Variants in IST1 observed in about 807,000 individuals in gnomAD.
The protein encoded by IST1 is IST1 homolog.
In IST1, 23 loss-of-function variants were observed where a neutral mutation model predicts 37.0. The observed-to-expected ratio is 0.62, with a 90% CI of 0.45 to 0.88. IST1 has a LOEUF of 0.88. IST1 is among the 40% of genes least tolerant of loss of function. The pLI is 0.00. For missense variants in IST1, 488 were observed against 445.4 expected, an observed-to-expected ratio of 1.10 and a Z score of -0.86; for synonymous variants, 180 against 161.7, an observed-to-expected ratio of 1.11 and a Z score of -0.86.
intron 1 of IST1, among the ~76,000 whole-genome samples, chr16:71,912,500 G>A (rs1323043916): frequency 1.3e-5 from 2 of 152,198 alleles, no homozygotes; most frequent in Non-Finnish European, 2.9e-5. Context: ...GCCTCCCAAA[G>A]TACTGGGATT....
intron 8 of IST1, 109 bp downstream of exon 8, chr16:71,923,489 C>A: frequency 1.6e-6 from 1 of 607,066 alleles, no homozygotes; most frequent in South Asian, 2.4e-5. Flanking sequence ...CTAGTACTGT[C>A]ATCATTTTTG....
chr16:71,907,820 T>C (rs866827146), intron 1 of IST1, among the ~76,000 whole-genome samples: 56 of 152,208 alleles, frequency 3.7e-4, no homozygotes, highest in Middle Eastern at 3.2e-3. Context: ...ATTTTGTTTT[T>C]ATTTTTATTT....
At chr16:71,921,161 TGAAA>T (rs1167632551) in intron 5 of IST1, 178 bp from the exon 6 acceptor site, 1 of 604,766 alleles carries the variant, frequency 1.7e-6, no homozygotes, top group African/African-American at 1.9e-5. Flanking sequence ...AATGAGAATG[TGAAA>T]GAGAGACTTG....
At chr16:71,899,558 A>C (rs1225462770) in intron 1 of IST1, among the ~76,000 whole-genome samples, 1 of 152,082 alleles carries the variant, frequency 6.6e-6, no homozygotes, top group Non-Finnish European at 1.5e-5. Flanking sequence ...TGTTCAAATT[A>C]CTTCTTTTAT....
At chr16:71,898,662 TAA>T (rs60932200) in intron 1 of IST1, among the ~76,000 whole-genome samples, 208 of 130,896 alleles carry the variant, frequency 1.6e-3, no homozygotes, top group African/African-American at 2.6e-3. Context: ...GACTCTGTCT[TAA>T]AAAAAAAAAA....
rs545316429 is a variant in IST1 at position 71,927,620 on chromosome 16, G to T, written c.908G>T (p.Gly303Val). The T allele has an allele frequency of 6.2e-7, 1 of 1,613,462 alleles. No individual in the cohort carries two copies. Among genetic ancestry groups the T allele is most frequent in the East Asian group, 2.2e-5 (1 of 44,888 alleles). ...TGCTCCTTGCCCTAATTAGGTCCTG[G>T]ACCCAAGCCAGAAGCCTCTGCAAAG... ...NISSAQIVGP[G>V]PKPEASAKLP... The change falls in exon 10 of 10, where the codon GGA becomes GTA. Residue 303 changes from glycine (G) to valine (V), a missense_variant. Transcript: ENST00000378799.
chr16:71,900,180 A>G (rs2037072224), intron 1 of IST1, among the ~76,000 whole-genome samples: 1 of 151,186 alleles, frequency 6.6e-6, no homozygotes, highest in Non-Finnish European at 1.5e-5. Flanking sequence ...AAAAAAAAAA[A>G]AGATCAGAAT....
rs2037799586 is a variant in IST1, at chr16:71,928,237, A to G, written c.*424A>G. ...CAGACTTAGAAACAGACCCCTCTGT[A>G]CAGGGGGATTGTGGTGAGTGAGAAT... On this transcript the variant is annotated 3_prime_UTR_variant, in exon 10 of 10. Transcript: ENST00000378799. The G allele has an allele frequency of 5.1e-6, 1 of 197,626 alleles. No individual in the cohort carries two copies. The highest frequency in any genetic ancestry group is 5.5e-5 in the Admixed American group (1 of 18,186). 12.2% of individuals were successfully genotyped at this position (197,626 alleles called of 1,614,324 possible).
intron 4 of IST1, among the ~76,000 whole-genome samples, 160 bp from the exon 5 acceptor site, chr16:71,920,579 G>C (rs547917160): frequency 1.3e-5 from 2 of 151,892 alleles, no homozygotes; most frequent in Non-Finnish European, 2.9e-5. Context: ...TGGATGGATG[G>C]ATGAACAAAT....
At chr16:71,898,914 G>C (rs1179518054) in intron 1 of IST1, among the ~76,000 whole-genome samples, 4 of 149,128 alleles carry the variant, frequency 2.7e-5, no homozygotes, top group African/African-American at 9.9e-5. Context: ...GCAGTGAGCC[G>C]AGATGGCACC....
intron 1 of IST1, among the ~76,000 whole-genome samples, chr16:71,908,035 C>G (rs2037265766): frequency 6.6e-6 from 1 of 152,156 alleles, no homozygotes; most frequent in African/African-American, 2.4e-5. Flanking sequence ...CCGTCCGCCT[C>G]CCGGGTTCAA....
upstream of IST1, chr16:71,895,253 G>A (rs979980426): frequency 6.3e-6 from 1 of 158,564 alleles, no homozygotes; most frequent in Non-Finnish European, 1.4e-5. Context: ...CAACAGCTGT[G>A]GCTGGCCTCC....
chr16:71,911,657 C>T (rs955498189), intron 1 of IST1, among the ~76,000 whole-genome samples: 3 of 151,688 alleles, frequency 2.0e-5, no homozygotes, highest in South Asian at 2.1e-4. Flanking sequence ...GTATGTTCCC[C>T]TCTGTATACA....
intron 1 of IST1, among the ~76,000 whole-genome samples, chr16:71,914,191 C>CA (rs1207319124): frequency 7.0e-6 from 1 of 142,664 alleles, no homozygotes; most frequent in Non-Finnish European, 1.5e-5. Context: ...TTTTTTGAGA[C>CA]AGAGTCTTGT....
chr16:71,930,144 G>C lies in IST1; in HGVS notation c.*2331G>C. On this transcript the variant is annotated 3_prime_UTR_variant, in exon 10 of 10. Transcript: ENST00000378799. The stretch of plus-strand genomic sequence containing the variant: ...AGTACCATCAAGATGACACTGGTGA[G>C]GATCAGAAAGGTGCCCAGGACTGGG... 1 of 1,551,386 alleles carries C rather than the reference G, an allele frequency of 6.4e-7. No individual in the cohort carries two copies. The highest frequency in any genetic ancestry group is 1.2e-5 in the South Asian group (1 of 84,016).
intron 9 of IST1, among the ~76,000 whole-genome samples, chr16:71,925,500 G>A (rs1463058597): frequency 6.6e-6 from 1 of 151,506 alleles, no homozygotes; most frequent in Non-Finnish European, 1.5e-5. Flanking sequence ...ATTTTTAGTA[G>A]AGACAGGGTT....
At chr16:71,911,710 A>ATTTTTTTTTTTTTTTTTTTTTTTTT (rs550809762) in intron 1 of IST1, among the ~76,000 whole-genome samples, 1 of 90,898 alleles carries the variant, frequency 1.1e-5, no homozygotes, top group African/African-American at 4.2e-5. Flanking sequence ...TTAAACTTCG[A>ATTTTTTTTTTTTTTTTTTTTTTTTT]TTTTTTTTTT....
chr16:71,895,068 C>A, upstream of IST1: 1 of 447,706 alleles, frequency 2.2e-6, no homozygotes. Context: ...CAGGGATACG[C>A]AGGCTTCGAA....
At position 71,922,591 on chromosome 16, in the gene IST1, C is replaced by G. The variant is rs778238065; in HGVS notation, c.670C>G (p.Pro224Ala). Reference sequence around the variant, plus strand: ...TGGCTTCACAGCACCAGTTGGTGGACCTGATGGAACGGTGCCAATGCCCAT... The same window carrying G: ...TGGCTTCACAGCACCAGTTGGTGGAGCTGATGGAACGGTGCCAATGCCCAT... ...SGGFTAPVGGPDGTVPMPMPM... is the reference protein window; with the variant it reads ...SGGFTAPVGGADGTVPMPMPM... Residue 224 changes from proline to alanine, a missense_variant, in exon 7 of 10, where the codon CCT (proline) becomes GCT (alanine). By Grantham distance (27) the Pro-to-Ala change is conservative. Around this residue, in one of 2 missense-constraint regions of IST1, gnomAD observed 455 missense variants for 386.2 expected, o/e 1.18. Coordinates refer to ENST00000378799, the MANE Select transcript of IST1 (RefSeq NM_001270975.2). The G allele has an allele frequency of 6.2e-7, 1 of 1,611,728 alleles. No homozygotes were observed. Among genetic ancestry groups the G allele is most frequent in the African/African-American group, 1.3e-5 (1 of 74,274 alleles).
Sources: gnomAD v4.1 joint callset for allele counts (sites outside exome capture counted in the v4.1 genomes callset) on GRCh38, gnomAD v4.1.1 for gene constraint, gnomAD v4.1.1 regional missense constraint, MANE v1.5 for transcripts, NCBI Gene and HGNC (gene_info 2026-07-23, HGNC 2026-07-21) for gene names.